The following TLK2 variants were observed in gnomAD, a reference collection of about 807,000 sequenced individuals.
The protein encoded by TLK2 is tousled like kinase 2.
A neutral mutation model predicts 117.3 loss-of-function variants in TLK2; 6 were observed. The ratio of observed to expected loss-of-function variants is 0.05; its 90% CI spans 0.03 to 0.10. The LOEUF is 0.10. TLK2 is among the 10% of genes least tolerant of loss of function. TLK2 has a pLI of 1.00. For missense variants in TLK2, 299 were observed against 901.2 expected, an observed-to-expected ratio of 0.33 and a Z score of 8.56; for synonymous variants, 257 against 316.7, an observed-to-expected ratio of 0.81 and a Z score of 2.00.
At chr17:62,475,972 T>C (rs1238091179), upstream of TLK2, among the ~76,000 whole-genome samples, 3 of 151,022 alleles carry the variant, frequency 2.0e-5, no homozygotes, top group African/African-American at 7.3e-5. Context: ...AAATAATTAC[T>C]TTTATTTTAT....
intron 6 of TLK2, among the ~76,000 whole-genome samples, chr17:62,526,411 A>G (rs2076370115): frequency 1.3e-5 from 2 of 151,988 alleles, no homozygotes; most frequent in Non-Finnish European, 2.9e-5. Flanking sequence ...TTCCTTTTTT[A>G]TGTTACTGAG....
In TLK2 at chr17:62,520,775, A is replaced by G. The variant is rs746630051; in HGVS notation, c.84A>G (p.Gly28=). The part of the protein sequence containing the change: ...ARFTGVGVSK[G]PLNSESSNQS... ...TTTATGATTTTTTTTTCTTTCAGGG[A>G]CCACTTAATAGTGAGTCTTCCAACC... The change falls in exon 3 of 22, where the codon GGA becomes GGG. Residue 28 remains glycine, a splice_region_variant and synonymous_variant. Coordinates refer to ENST00000346027, the MANE Select transcript of TLK2 (RefSeq NM_006852.6). 11 of 1,610,792 alleles carry G rather than the reference A, an allele frequency of 6.8e-6. No homozygotes were observed. The highest frequency in any genetic ancestry group is 9.3e-6 in the Non-Finnish European group (11 of 1,178,738).
At chr17:62,577,333 C>T (rs190488988) in intron 13 of TLK2, among the ~76,000 whole-genome samples, 2 of 152,202 alleles carry the variant, frequency 1.3e-5, no homozygotes, top group East Asian at 3.9e-4. Context: ...GATCTATCAG[C>T]AGATAATTCT....
chr17:62,586,136 C>T lies in TLK2; in HGVS notation c.1370C>T (p.Ala457Val), dbSNP rs1451409415. 6.2e-7 allele frequency: 1 copy of T among 1,609,438 alleles called. No individual in the cohort carries two copies. Among genetic ancestry groups the T allele is most frequent in the Non-Finnish European group, 8.5e-7 (1 of 1,177,106 alleles). Residue 457 changes from alanine (A) to valine (V), a missense_variant and splice_region_variant, in exon 16 of 22, where the codon GCA becomes GTA. By Grantham distance (64) the Ala-to-Val change is moderately conservative (BLOSUM62 0). Transcript: ENST00000346027. ...GRGGFSEVYK[A>V]FDLTEQRYVA... Reference sequence around the variant, plus strand: ...GTATATAATTTATTCTCTTTATAGGCATTTGATCTAACAGAGCAAAGATAC... The same window carrying T: ...GTATATAATTTATTCTCTTTATAGGTATTTGATCTAACAGAGCAAAGATAC...
At position 62,613,336 on chromosome 17, in the gene TLK2, T is replaced by G. The variant is rs544853841; in HGVS notation, c.*771T>G. 2.7e-4 allele frequency: 42 copies of G among 152,740 alleles called. No homozygotes were observed. The highest frequency in any genetic ancestry group is 9.4e-4 in the African/African-American group (39 of 41,558). The allele number at this position is 152,740 out of a possible 1,614,324, so 9.5% of individuals were successfully genotyped here. A position where few individuals can be genotyped will look rare whatever the true frequency, so the allele number is the denominator to read the frequency against. ...GAGTGGGAGTACTGAGATGTGTGGG[T>G]TTTTGCCATTGGACAAAGAATGAGG... is the stretch of plus-strand genomic sequence containing the variant. On this transcript the variant is annotated 3_prime_UTR_variant, in exon 22 of 22. Coordinates refer to ENST00000346027, the MANE Select transcript of TLK2 (RefSeq NM_006852.6).
intron 11 of TLK2, 89 bp downstream of exon 11, chr17:62,565,226 C>T: frequency 6.8e-7 from 1 of 1,461,950 alleles, no homozygotes; most frequent in Non-Finnish European, 9.2e-7. Context: ...AATAATCCTA[C>T]TATTGGTAGT....
rs1479221947 is a variant in TLK2 at position 62,516,807 on chromosome 17, A to G, written c.82-3966A>G. The G allele has an allele frequency of 5.6e-6, 7 of 1,260,962 alleles. No homozygotes were observed. In the Admixed American group the frequency reaches 1.4e-4, roughly 25 times the overall value. The allele number at this position is 1,260,962 out of a possible 1,614,324, so 78.1% of individuals were successfully genotyped here. ...GGTCCGGGGCCGGGGCTGGAAAGCT[A>G]GTTTTAGTTCTTATGTTTAGGTCTT... On this transcript the variant is annotated intron_variant, in intron 2 of 21. Transcript: ENST00000346027.
intron 2 of TLK2, among the ~76,000 whole-genome samples, chr17:62,488,820 ATTTTTTTTTTTT>A (rs36026309): frequency 2.0e-5 from 2 of 99,766 alleles, no homozygotes; most frequent in African/African-American, 7.9e-5. Context: ...GGCCTTGAAG[ATTTTTTTTTTTT>A]TTTTTTTTTT....
intron 8 of TLK2, among the ~76,000 whole-genome samples, chr17:62,552,873 A>G (rs1187195388): frequency 2.0e-5 from 3 of 152,134 alleles, no homozygotes; most frequent in East Asian, 3.9e-4. Context: ...TTAATTCTCT[A>G]ATTTATGAAA....
intron 13 of TLK2, among the ~76,000 whole-genome samples, chr17:62,577,363 C>A (rs1483047621): frequency 6.6e-6 from 1 of 152,112 alleles, no homozygotes; most frequent in Non-Finnish European, 1.5e-5. Flanking sequence ...ATAAGGCTTC[C>A]CAAGTGGTTA....
chr17:62,606,208 T>G lies in TLK2; in HGVS notation c.1938T>G (p.Gly646=), dbSNP rs755270438. The G allele has an allele frequency of 1.2e-6, 2 of 1,601,742 alleles. No homozygotes were observed. Among genetic ancestry groups the G allele is most frequent in the Non-Finnish European group, 1.7e-6 (2 of 1,172,066 alleles). The change falls in exon 20 of 22, where the codon GGT becomes GGG. Residue 646 remains glycine (G), a synonymous_variant. Coordinates refer to ENST00000346027, the MANE Select transcript of TLK2 (RefSeq NM_006852.6). ...ISNKVDVWSV[G]VIFYQCLYGR... Reference sequence around the variant, plus strand: ...ATAAAGTTGATGTGTGGTCGGTGGGTGTGATCTTCTATCAGTGTCTTTATG... The same window carrying G: ...ATAAAGTTGATGTGTGGTCGGTGGGGGTGATCTTCTATCAGTGTCTTTATG...
chr17:62,570,675 A>G (rs1337324263), intron 11 of TLK2, among the ~76,000 whole-genome samples: 2 of 152,182 alleles, frequency 1.3e-5, no homozygotes, highest in African/African-American at 2.4e-5. Flanking sequence ...ATCAGCTTTC[A>G]TGTTCAAACT....
rs150301612 is a variant in TLK2 at position 62,605,403 on chromosome 17, G to A, written c.1860-727G>A. Among the ~76,000 whole-genome samples, 395 of 152,058 alleles carry A rather than the reference G, an allele frequency of 2.6e-3. 1 individual carries two copies. Among genetic ancestry groups the A allele is most frequent in the African/African-American group, 9.3e-3 (386 of 41,496 alleles). On this transcript the variant is annotated intron_variant, in intron 19 of 21. Transcript: ENST00000346027. ...AGTGTCTTTTCTTACTTTGAGATGG[G>A]GGTCTCACTCTCTTGCTGGAGTGCA... is the stretch of plus-strand genomic sequence containing the variant.
intron 6 of TLK2, among the ~76,000 whole-genome samples, chr17:62,533,094 A>G (rs1033800306): frequency 1.3e-5 from 2 of 151,792 alleles, no homozygotes; most frequent in African/African-American, 2.4e-5. Flanking sequence ...GGTCCTTTGC[A>G]TATGTCTCTT....
chr17:62,474,742 G>C (rs548177906), upstream of TLK2, among the ~76,000 whole-genome samples: 1 of 152,066 alleles, frequency 6.6e-6, no homozygotes, highest in East Asian at 1.9e-4. Flanking sequence ...GCCCAGGCTG[G>C]TCTCCAACTC....
intron 2 of TLK2, among the ~76,000 whole-genome samples, chr17:62,494,863 G>A (rs193113664): frequency 6.6e-6 from 1 of 152,144 alleles, no homozygotes; most frequent in Admixed American, 6.6e-5. Flanking sequence ...TCAGAAAGCA[G>A]AATTAAGATT....
chr17:62,587,182 A>G (rs1313675357), intron 16 of TLK2, among the ~76,000 whole-genome samples: 1 of 152,154 alleles, frequency 6.6e-6, no homozygotes, highest in Non-Finnish European at 1.5e-5. Flanking sequence ...CACTGATGTC[A>G]GGTTTTGCCT....
At chr17:62,518,713 AAAAG>A (rs1261392989) in intron 2 of TLK2, among the ~76,000 whole-genome samples, 8 of 152,176 alleles carry the variant, frequency 5.3e-5, no homozygotes, top group Non-Finnish European at 7.3e-5. Flanking sequence ...CTCCAAAAAA[AAAAG>A]AAAGAAAGGA....
intron 1 of TLK2, 121 bp from the exon 2 acceptor site, chr17:62,481,000 A>G: frequency 1.1e-6 from 1 of 882,262 alleles, no homozygotes; most frequent in South Asian, 1.6e-5. Context: ...TGCTATATTT[A>G]CTTGAGATTT....
Sources: allele counts gnomAD v4.1 joint callset (sites outside exome capture counted in the v4.1 genomes callset), GRCh38; gene constraint gnomAD v4.1.1; transcripts MANE v1.5; gene names NCBI Gene and HGNC (gene_info 2026-07-23, HGNC 2026-07-21).